RBFOX1: variants seen among roughly 807,000 people sequenced by gnomAD.
The protein encoded by RBFOX1 is RNA binding fox-1 homolog 1.
RBFOX1 carries 8 observed loss-of-function variants against 57.7 expected under a neutral mutation model. The observed-to-expected ratio is 0.14, with a 90% confidence interval of 0.08 to 0.25. RBFOX1 has a LOEUF of 0.25. RBFOX1 is among the 10% of genes least tolerant of loss of function. The probability of loss-of-function intolerance (pLI) is 1.00; values close to 1 mark genes in which losing one functional copy is unlikely to be tolerated. For synonymous variants in RBFOX1, 326 were observed against 222.4 expected, an observed-to-expected ratio of 1.47 and a Z score of -4.15; for missense variants, 611 against 548.5, an observed-to-expected ratio of 1.11 and a Z score of -1.14.
At chr16:5,823,890 G>A (rs1448939382) in intron 3 of RBFOX1, among the ~76,000 whole-genome samples, 1 of 152,134 alleles carries the variant, frequency 6.6e-6, no homozygotes, top group African/African-American at 2.4e-5. Flanking sequence ...TAATATAAAT[G>A]AAGGGCACAA....
At chr16:6,856,105 CCCTTT>C (rs908271477) in intron 3 of RBFOX1, among the ~76,000 whole-genome samples, 25 of 151,646 alleles carry the variant, frequency 1.6e-4, no homozygotes, top group Admixed American at 2.6e-4. Context: ...CCCTTCCCTT[CCCTTT>C]CTTCCCTTTC....
At chr16:5,973,102 A>G (rs949587425) in intron 4 of RBFOX1, among the ~76,000 whole-genome samples, 4 of 152,318 alleles carry the variant, frequency 2.6e-5, no homozygotes, top group South Asian at 2.1e-4. Flanking sequence ...TGCTGTAAAG[A>G]GACAGAGCTA....
At chr16:5,998,758 T>A (rs1300537717) in intron 4 of RBFOX1, among the ~76,000 whole-genome samples, 1 of 152,196 alleles carries the variant, frequency 6.6e-6, no homozygotes, top group Non-Finnish European at 1.5e-5. Flanking sequence ...AAATGGCATT[T>A]TTTCGCATAC....
At chr16:6,913,035 C>T (rs1200012463) in intron 3 of RBFOX1, among the ~76,000 whole-genome samples, 1 of 152,008 alleles carries the variant, frequency 6.6e-6, no homozygotes, top group Non-Finnish European at 1.5e-5. Flanking sequence ...TGAGGATGGG[C>T]TTCTGATGGG....
At chr16:6,500,896 T>TGTTTGTTTGTTTGTTTG (rs796099960) in intron 2 of RBFOX1, among the ~76,000 whole-genome samples, 59,741 of 142,284 alleles carry the variant, frequency 0.42, 13,599 homozygotes, top group East Asian at 0.57. Context: ...TTTTTTTTTT[T>TGTTTGTTTGTTTGTTTG]TTTTTAATGC....
At chr16:5,615,440 C>T (rs553685512) in intron 3 of RBFOX1, among the ~76,000 whole-genome samples, 1 of 152,192 alleles carries the variant, frequency 6.6e-6, no homozygotes, top group Non-Finnish European at 1.5e-5. Flanking sequence ...AGTCTACTTG[C>T]TCTGAAGACA....
At chr16:6,996,453 A>C (rs1179921999) in intron 3 of RBFOX1, among the ~76,000 whole-genome samples, 1 of 152,190 alleles carries the variant, frequency 6.6e-6, no homozygotes, top group Non-Finnish European at 1.5e-5. Flanking sequence ...AGATTGATAC[A>C]TACATGTGTA....
intron 6 of RBFOX1, 132 bp downstream of exon 6, chr16:7,580,052 T>C (rs1291595546): frequency 1.0e-6 from 1 of 952,656 alleles, no homozygotes; most frequent in Non-Finnish European, 1.6e-6. Context: ...TAGAGCCTAG[T>C]CTGCAGGTAT....
chr16:7,422,083 A>G (rs2098548079), intron 4 of RBFOX1, among the ~76,000 whole-genome samples: 1 of 152,160 alleles, frequency 6.6e-6, no homozygotes, highest in African/African-American at 2.4e-5. Context: ...TAAATAGACA[A>G]AGAGAAATGG....
chr16:7,255,275 C>T (rs1045886321), intron 4 of RBFOX1, among the ~76,000 whole-genome samples: 14 of 152,304 alleles, frequency 9.2e-5, no homozygotes, highest in African/African-American at 3.1e-4. Flanking sequence ...ACCTTAAACT[C>T]TGTGCTATTT....
intron 3 of RBFOX1, among the ~76,000 whole-genome samples, chr16:6,932,309 G>C (rs1156634765): frequency 1.3e-5 from 2 of 152,142 alleles, no homozygotes; most frequent in South Asian, 2.1e-4. Flanking sequence ...GTTTCACCCT[G>C]TTGGCCAAGC....
At chr16:6,325,907 C>T (rs1462480472) in intron 2 of RBFOX1, among the ~76,000 whole-genome samples, 1 of 152,186 alleles carries the variant, frequency 6.6e-6, no homozygotes, top group Non-Finnish European at 1.5e-5. Flanking sequence ...CAACTCCATG[C>T]CTGGCTTACA....
At chr16:7,473,142 C>T (rs1210558013) in intron 4 of RBFOX1, among the ~76,000 whole-genome samples, 1 of 152,062 alleles carries the variant, frequency 6.6e-6, no homozygotes, top group African/African-American at 2.4e-5. Context: ...CTTTGGGAGG[C>T]TGAGGTGGGT....
At chr16:7,253,628 A>G (rs374805942) in intron 4 of RBFOX1, among the ~76,000 whole-genome samples, 5 of 152,072 alleles carry the variant, frequency 3.3e-5, no homozygotes, top group African/African-American at 1.2e-4. Flanking sequence ...TGTTCAGCTC[A>G]TTTCTACATG....
chr16:7,439,754 T>C (rs1256296476), intron 4 of RBFOX1, among the ~76,000 whole-genome samples: 1 of 152,152 alleles, frequency 6.6e-6, no homozygotes, highest in Non-Finnish European at 1.5e-5. Context: ...ATGCATATTC[T>C]TTCCTGAGCA....
chr16:5,719,499 T>G (rs973787650), intron 3 of RBFOX1, among the ~76,000 whole-genome samples: 2 of 151,824 alleles, frequency 1.3e-5, no homozygotes, highest in Non-Finnish European at 2.9e-5. Context: ...CATGAGCCAC[T>G]GCCCTAGAAT....
At chr16:6,112,182 A>G (rs1287098942) in intron 1 of RBFOX1, among the ~76,000 whole-genome samples, 1 of 152,200 alleles carries the variant, frequency 6.6e-6, no homozygotes, top group Non-Finnish European at 1.5e-5. Flanking sequence ...GAAGAAGGTA[A>G]TACATTCTGT....
intron 10 of RBFOX1, among the ~76,000 whole-genome samples, chr16:7,629,198 G>A (rs1410848093): frequency 6.6e-6 from 1 of 152,144 alleles, no homozygotes; most frequent in African/African-American, 2.4e-5. Flanking sequence ...TGTCAGACCG[G>A]TAACAGGGGA....
chr16:6,722,301 C>T (rs557819982), intron 3 of RBFOX1, among the ~76,000 whole-genome samples: 22 of 147,112 alleles, frequency 1.5e-4, no homozygotes, highest in African/African-American at 1.5e-4. Context: ...CACAGCCTCG[C>T]CAACTTTTGT....
Sources: gnomAD v4.1 joint callset for allele counts (sites outside exome capture counted in the v4.1 genomes callset) on GRCh38, gnomAD v4.1.1 for gene constraint, MANE v1.5 for transcripts, NCBI Gene and HGNC (gene_info 2026-07-23, HGNC 2026-07-21) for gene names.